The following FN1 variants were observed in gnomAD, a reference collection of about 807,000 sequenced individuals.
FN1 encodes the protein fibronectin 1.
FN1 carries 106 observed loss-of-function variants against 297.3 expected under a neutral mutation model. The ratio of observed to expected loss-of-function variants is 0.36; its 90% confidence interval spans 0.30 to 0.42. The LOEUF (loss-of-function observed/expected upper bound fraction) is 0.42. Among genes scored for constraint, FN1 ranks in the 10% least tolerant of loss-of-function variants. The probability of loss-of-function intolerance (pLI) is 1.00; values close to 1 mark genes in which losing one functional copy is unlikely to be tolerated. For synonymous variants in FN1, 1,149 were observed against 1,152.6 expected (o/e 1.00, Z 0.06); for missense variants, 2,690 against 3,124.9 (o/e 0.86, Z 3.32).
chr2:215,435,949 G>GCCA lies in FN1; in HGVS notation c.-148_-147insTGG. 7.0e-7 allele frequency: 1 copy of GCCA among 1,433,748 alleles called. No individual in the cohort carries two copies. Among genetic ancestry groups the GCCA allele is most frequent in the Non-Finnish European group, 9.1e-7 (1 of 1,093,752 alleles). The allele number at this position is 1,433,748 out of a possible 1,614,324, so 88.8% of individuals were successfully genotyped here. On this transcript the variant is annotated 5_prime_UTR_variant, in exon 1 of 46. Coordinates refer to ENST00000354785, the MANE Select transcript of FN1 (RefSeq NM_212482.4). ...GGTGGGGGCCAGAGGGTGGGGAAGG[G>GCCA]GACGGGTGGAGGGACAGAAGGGATG... is the stretch of plus-strand genomic sequence containing the variant.
At position 215,435,697 on chromosome 2, in the gene FN1, T is replaced by G. The variant is rs1264780578; in HGVS notation, c.106A>C (p.Met36Leu). Residue 36 changes from methionine (M) to leucine (L), a missense_variant, in exon 1 of 46, where the codon ATG becomes CTG. Met to Leu is a conservative substitution (Grantham distance 15). Coordinates refer to ENST00000354785, the MANE Select transcript of FN1 (RefSeq NM_212482.4). ...ASKSKRQAQQ[M>L]VQPQSPVAVS... Reference sequence around the variant, plus strand: ...GCCACCGGGGACTGGGGCTGAACCATTTGCTGAGCCTGCCTCTTGCTCTTC... The same window carrying G: ...GCCACCGGGGACTGGGGCTGAACCAGTTGCTGAGCCTGCCTCTTGCTCTTC... 6.2e-7 allele frequency: 1 copy of G among 1,613,106 alleles called. No homozygotes were observed. The highest frequency in any genetic ancestry group is 2.2e-5 in the East Asian group (1 of 44,848).
intron 20 of FN1, among the ~76,000 whole-genome samples, chr2:215,401,783 G>A (rs2061201540): frequency 6.6e-6 from 1 of 151,968 alleles, no homozygotes. Context: ...GGATTCTAAG[G>A]AGCCATTTTT....
chr2:215,373,360 T>C lies in FN1; in HGVS notation c.6209A>G (p.Asn2070Ser), dbSNP rs763903929. 2 of 1,613,674 alleles carry C rather than the reference T, an allele frequency of 1.2e-6. No homozygotes were observed. The highest frequency in any genetic ancestry group is 1.7e-6 in the Non-Finnish European group (2 of 1,179,666). ...YTIYVIALKN[N>S]QKSEPLIGRK... Reference sequence around the variant, plus strand: ...TCCAATCAGGGGCTCGCTCTTCTGATTATTCTTCAGGGCAATGACATAAAT... The same window carrying C: ...TCCAATCAGGGGCTCGCTCTTCTGACTATTCTTCAGGGCAATGACATAAAT... Residue 2070 changes from asparagine (N) to serine (S), a missense_variant, in exon 39 of 46, where the codon AAT (asparagine) becomes AGT (serine). Coordinates refer to ENST00000354785, the MANE Select transcript of FN1 (RefSeq NM_212482.4).
rs756403424 is a variant in FN1, at chr2:215,408,294, G to A, written c.2428+4C>T. The A allele has an allele frequency of 6.2e-7, 1 of 1,614,110 alleles. No individual in the cohort carries two copies. The highest frequency in any genetic ancestry group is 8.5e-7 in the Non-Finnish European group (1 of 1,179,974). ...TCTTTTAACACTATGTAGCACACAT[G>A]TACCTGTTGTTTGTGAAGTAGACAG... On this transcript the variant is annotated splice_donor_region_variant and intron_variant, in intron 16 of 45. Transcript: ENST00000354785.
intron 33 of FN1, chr2:215,380,559 C>A: frequency 1.9e-6 from 1 of 539,460 alleles, no homozygotes; most frequent in Non-Finnish European, 3.3e-6. Context: ...ACTTTAGTAT[C>A]CTCTTCAAAT....
chr2:215,425,477 T>A (rs1043974322), intron 6 of FN1, among the ~76,000 whole-genome samples, 192 bp from the exon 7 acceptor site: 2 of 152,208 alleles, frequency 1.3e-5, no homozygotes, highest in East Asian at 3.8e-4. Flanking sequence ...TCCACAAGTG[T>A]CTACCAAGTG....
chr2:215,429,547 T>G (rs2066096147), intron 5 of FN1, among the ~76,000 whole-genome samples: 1 of 152,224 alleles, frequency 6.6e-6, no homozygotes, highest in Non-Finnish European at 1.5e-5. Context: ...AATAGAAGTT[T>G]GCATGAAGGT....
intron 17 of FN1, 135 bp downstream of exon 17, chr2:215,407,972 AC>A: frequency 1.5e-6 from 1 of 672,970 alleles, no homozygotes; most frequent in Admixed American, 2.0e-5. Flanking sequence ...ACACACACAC[AC>A]ACACACAAAC....
At chr2:215,430,186 A>G (rs1436564930) in intron 5 of FN1, among the ~76,000 whole-genome samples, 1 of 152,204 alleles carries the variant, frequency 6.6e-6, no homozygotes, top group Admixed American at 6.5e-5. Context: ...TTTTACTTCA[A>G]CAAACTCTCT....
chr2:215,370,167 T>A (rs2055578553), intron 41 of FN1, 127 bp downstream of exon 41: 2 of 909,638 alleles, frequency 2.2e-6, no homozygotes, highest in Non-Finnish European at 3.6e-6. Flanking sequence ...ATTTATTTCA[T>A]GTTGATGTGT....
chr2:215,383,303 T>C, intron 31 of FN1, 25 bp downstream of exon 31: 1 of 1,613,692 alleles, frequency 6.2e-7, no homozygotes. Flanking sequence ...CCACCGCACC[T>C]GGCCGAGATG....
chr2:215,372,435 C>T (rs1224110157), intron 39 of FN1, 60 bp from the exon 40 acceptor site: 2 of 1,234,580 alleles, frequency 1.6e-6, no homozygotes, highest in African/African-American at 3.0e-5. Context: ...GAAGTAGCAG[C>T]AATGATAATA....
rs2064181383 is a variant in FN1, at chr2:215,420,734, C to A, written c.1614G>T (p.Gly538=). ...CGAAGCATGTACAGTTCAGCATGTGCCCCTCTTCATGACGCTTGTGGAATG... is the reference window on the plus strand; with the variant it reads ...CGAAGCATGTACAGTTCAGCATGTGACCCTCTTCATGACGCTTGTGGAATG... ...NDTFHKRHEE[G]HMLNCTCFGQ... is the part of the protein sequence containing the mutation. The change falls in exon 11 of 46, where the codon GGG becomes GGT. Residue 538 remains glycine (G), a synonymous_variant. Coordinates refer to ENST00000354785, the MANE Select transcript of FN1 (RefSeq NM_212482.4). 1 of 1,613,938 alleles carries A rather than the reference C, an allele frequency of 6.2e-7. No homozygotes were observed. The highest frequency in any genetic ancestry group is 8.5e-7 in the Non-Finnish European group (1 of 1,179,954).
Position 215,380,869 on chromosome 2 carries a change from A to G in FN1, c.5376T>C (p.Ser1792=). The G allele has an allele frequency of 1.9e-6, 3 of 1,614,014 alleles. No individual in the cohort carries two copies. The highest frequency in any genetic ancestry group is 2.5e-6 in the Non-Finnish European group (3 of 1,179,988). Residue 1792 remains serine, a synonymous_variant, in exon 33 of 46, where the codon AGT becomes AGC. Coordinates refer to ENST00000354785, the MANE Select transcript of FN1 (RefSeq NM_212482.4). The part of the protein sequence containing the change: ...GLRPGSEYTV[S]VVALHDDMES... ...CCATATCATCGTGCAAGGCAACCAC[A>G]CTGACTGTGTACTCAGAACCCGGTC...
rs1257166688 is a variant in FN1 at position 215,420,692 on chromosome 2, C to T, written c.1656G>A (p.Arg552=). Residue 552 remains arginine (R), a synonymous_variant, in exon 11 of 46, where the codon AGG becomes AGA. Transcript: ENST00000354785. ...ACTCACCGACGGGATCACACTTCCA[C>T]CTGCCCCGACCCTGACCGAAGCATG... ...NCTCFGQGRG[R]WKCDPVDQCQ... 6.2e-7 allele frequency: 1 copy of T among 1,614,182 alleles called. No individual in the cohort carries two copies. Among genetic ancestry groups the T allele is most frequent in the South Asian group, 1.1e-5 (1 of 91,076 alleles).
intron 26 of FN1, among the ~76,000 whole-genome samples, chr2:215,389,862 A>C (rs942450950): frequency 1.3e-5 from 2 of 152,224 alleles, no homozygotes; most frequent in African/African-American, 4.8e-5. Flanking sequence ...GCTATAAGCT[A>C]TGTGGTCTAG....
rs765551193 is a variant in FN1 at position 215,365,488 on chromosome 2, G to C, written c.7144+17C>G. The C allele has an allele frequency of 6.2e-7, 1 of 1,613,152 alleles. No homozygotes were observed. Among genetic ancestry groups the C allele is most frequent in the Non-Finnish European group, 8.5e-7 (1 of 1,179,230 alleles). ...GAATGCTTAATAAGGCACTAAAAAT[G>C]ATCTGTGATGACATACGAGGGTCAC... is the stretch of plus-strand genomic sequence containing the variant. On this transcript the variant is annotated intron_variant, in intron 43 of 45. Coordinates refer to ENST00000354785, the MANE Select transcript of FN1 (RefSeq NM_212482.4).
chr2:215,409,177 T>A (rs557416580), intron 15 of FN1, among the ~76,000 whole-genome samples: 2 of 152,276 alleles, frequency 1.3e-5, no homozygotes, highest in Admixed American at 1.3e-4. Context: ...CACACTTCAG[T>A]GCGCCAATGA....
intron 26 of FN1, among the ~76,000 whole-genome samples, chr2:215,388,666 T>C (rs1316733014): frequency 6.6e-6 from 1 of 152,212 alleles, no homozygotes; most frequent in Non-Finnish European, 1.5e-5. Flanking sequence ...TGGATTGCCA[T>C]TTATGCCTCA....
Sources: allele counts gnomAD v4.1 joint callset (sites outside exome capture counted in the v4.1 genomes callset), GRCh38; gene constraint gnomAD v4.1.1; transcripts MANE v1.5; gene names NCBI Gene and HGNC (gene_info 2026-07-23, HGNC 2026-07-21).